Variants in NALF1 observed in about 807,000 individuals in gnomAD.
The protein encoded by NALF1 is NALCN channel auxiliary factor 1.
Under a neutral mutation model 48.4 loss-of-function variants are expected in NALF1, and 3 were observed. The ratio of observed to expected loss-of-function variants is 0.06; its 90% confidence interval spans 0.03 to 0.16. The LOEUF is 0.16. Among genes scored for constraint, NALF1 ranks in the 10% least tolerant of loss-of-function variants. The probability of loss-of-function intolerance (pLI) is 1.00; values close to 1 mark genes in which losing one functional copy is unlikely to be tolerated. For missense variants in NALF1, 526 were observed against 571.5 expected (o/e 0.92, Z 0.81); for synonymous variants, 262 against 245.7 (o/e 1.07, Z -0.62).
At position 107,274,547 on chromosome 13, in the gene NALF1, A is replaced by G. The variant is rs149233859; in HGVS notation, c.916-63792T>C. Among the ~76,000 whole-genome samples the G allele has an allele frequency of 1.3e-3, 197 of 152,300 alleles. 2 individuals carry two copies. The highest frequency in any genetic ancestry group is 6.8e-3 in the Middle Eastern group (2 of 294). ...ACTGCACTCCAGCCCAGGTGACAAGACGAGACCTTGTCTCTAAAGTAAATA... is the reference window on the plus strand; with the variant it reads ...ACTGCACTCCAGCCCAGGTGACAAGGCGAGACCTTGTCTCTAAAGTAAATA... On this transcript the variant is annotated intron_variant, in intron 1 of 2. Transcript: ENST00000375915.
At chr13:107,406,168 T>C (rs895394212) in intron 1 of NALF1, among the ~76,000 whole-genome samples, 1 of 152,048 alleles carries the variant, frequency 6.6e-6, no homozygotes, top group Non-Finnish European at 1.5e-5. Context: ...GTGAAGTCAC[T>C]TGATTATTTA....
intron 1 of NALF1, among the ~76,000 whole-genome samples, chr13:107,260,375 C>T (rs779444023): frequency 6.6e-6 from 1 of 152,068 alleles, no homozygotes; most frequent in Admixed American, 6.6e-5. Context: ...TAACACAGAC[C>T]CTGCATGTTG....
intron 1 of NALF1, among the ~76,000 whole-genome samples, chr13:107,855,031 G>A (rs1880409733): frequency 6.6e-6 from 1 of 152,190 alleles, no homozygotes; most frequent in South Asian, 2.1e-4. Flanking sequence ...AGCATCTAGA[G>A]AGCAGGCACA....
At chr13:107,793,536 T>C (rs1403455879) in intron 1 of NALF1, among the ~76,000 whole-genome samples, 1 of 152,254 alleles carries the variant, frequency 6.6e-6, no homozygotes, top group Non-Finnish European at 1.5e-5. Context: ...CACCAGTTGA[T>C]GCCAGGTACA....
chr13:107,716,040 A>G (rs1434456269), intron 1 of NALF1, among the ~76,000 whole-genome samples: 1 of 152,144 alleles, frequency 6.6e-6, no homozygotes, highest in African/African-American at 2.4e-5. Flanking sequence ...AAGGAAACTT[A>G]GGGTGTTAAA....
chr13:107,539,155 G>C (rs997239975), intron 1 of NALF1, among the ~76,000 whole-genome samples: 1 of 151,846 alleles, frequency 6.6e-6, no homozygotes, highest in Non-Finnish European at 1.5e-5. Context: ...TCTAACAATG[G>C]AATATCACAG....
intron 1 of NALF1, among the ~76,000 whole-genome samples, chr13:107,698,009 C>T (rs1468707095): frequency 6.6e-6 from 1 of 152,068 alleles, no homozygotes; most frequent in Non-Finnish European, 1.5e-5. Flanking sequence ...CATTTTTATA[C>T]CAATGGTAGC....
At chr13:107,270,080 TTC>T (rs936242401) in intron 1 of NALF1, among the ~76,000 whole-genome samples, 2 of 152,034 alleles carry the variant, frequency 1.3e-5, no homozygotes, top group Non-Finnish European at 2.9e-5. Flanking sequence ...AGAAATATGT[TTC>T]TTATAACATC....
At chr13:107,753,656 T>G (rs905929867) in intron 1 of NALF1, among the ~76,000 whole-genome samples, 1 of 152,180 alleles carries the variant, frequency 6.6e-6, no homozygotes, top group Non-Finnish European at 1.5e-5. Flanking sequence ...CAGAATACTT[T>G]CTGCATGGGA....
intron 1 of NALF1, among the ~76,000 whole-genome samples, chr13:107,286,239 T>C (rs1009883738): frequency 1.3e-5 from 2 of 152,182 alleles, no homozygotes; most frequent in African/African-American, 4.8e-5. Context: ...CACGTGACCC[T>C]GTAATTCCAC....
intron 1 of NALF1, among the ~76,000 whole-genome samples, chr13:107,389,059 C>T (rs1404971531): frequency 6.6e-6 from 1 of 152,208 alleles, no homozygotes; most frequent in South Asian, 2.1e-4. Context: ...ACCAGTCCAC[C>T]TTCCGGTGGT....
chr13:107,827,392 C>T (rs986286862), intron 1 of NALF1, among the ~76,000 whole-genome samples: 2 of 152,154 alleles, frequency 1.3e-5, no homozygotes, highest in African/African-American at 4.8e-5. Context: ...TTCATTATGT[C>T]TTTCCTTCAG....
rs114655770 is a variant in NALF1 at position 107,511,345 on chromosome 13, A to G, written c.916-300590T>C. Among the ~76,000 whole-genome samples, 306 of 152,332 alleles carry G rather than the reference A, an allele frequency of 2.0e-3. 2 individuals carry two copies. Among genetic ancestry groups the G allele is most frequent in the African/African-American group, 7.1e-3 (294 of 41,578 alleles). On this transcript the variant is annotated intron_variant, in intron 1 of 2. Coordinates refer to ENST00000375915, the MANE Select transcript of NALF1 (RefSeq NM_001080396.3). ...GATTGGGGTCACTAGAAACTCAAATATTAGATTTATAGGCATTCAGAGGAG... is the reference window on the plus strand; with the variant it reads ...GATTGGGGTCACTAGAAACTCAAATGTTAGATTTATAGGCATTCAGAGGAG...
chr13:107,271,814 A>ATATTTATTTATTTATT lies in NALF1; in HGVS notation c.916-61060_916-61059insAATAAATAAATAAATA, dbSNP rs1555329806. ...TATATATATATATATATATATATAT[A>ATATTTATTTATTTATT]TATTTATATATTTATATATACAAAT... On this transcript the variant is annotated intron_variant, in intron 1 of 2. Transcript: ENST00000375915. Among the ~76,000 whole-genome samples, 17 of 102,556 alleles carry ATATTTATTTATTTATT rather than the reference A, an allele frequency of 1.7e-4. No individual in the cohort carries two copies. The East Asian group carries it at 2.8e-3, about 17-fold the overall frequency. 67.3% of individuals were successfully genotyped at this position (102,556 alleles called of 152,430 possible).
intron 1 of NALF1, among the ~76,000 whole-genome samples, chr13:107,720,624 T>G (rs1028225346): frequency 2.7e-5 from 4 of 150,432 alleles, no homozygotes; most frequent in Non-Finnish European, 5.9e-5. Context: ...TTTGAACACC[T>G]AAACTATTGA....
chr13:107,838,564 C>T (rs751503876), intron 1 of NALF1, among the ~76,000 whole-genome samples: 27 of 152,064 alleles, frequency 1.8e-4, no homozygotes, highest in Admixed American at 1.0e-3. Flanking sequence ...AGGAGGCATG[C>T]GTGTATGAAC....
chr13:107,399,612 G>C (rs7317332), intron 1 of NALF1, among the ~76,000 whole-genome samples: 99,680 of 151,724 alleles, frequency 0.66, 32,804 homozygotes, highest in African/African-American at 0.7. Flanking sequence ...CCTACAAAAT[G>C]CTTGTTGATT....
intron 1 of NALF1, among the ~76,000 whole-genome samples, chr13:107,329,234 C>T (rs535910474): frequency 2.0e-5 from 3 of 152,094 alleles, no homozygotes; most frequent in Non-Finnish European, 2.9e-5. Context: ...TTTAGAAGAG[C>T]ACAAAGAATG....
chr13:107,804,579 G>A (rs1878718234), intron 1 of NALF1, among the ~76,000 whole-genome samples: 1 of 152,116 alleles, frequency 6.6e-6, no homozygotes, highest in Admixed American at 6.5e-5. Context: ...ACCTCACCAA[G>A]ACCCAGCATG....
Sources: gnomAD v4.1 joint callset for allele counts (sites outside exome capture counted in the v4.1 genomes callset) on GRCh38, gnomAD v4.1.1 for gene constraint, MANE v1.5 for transcripts, NCBI Gene and HGNC (gene_info 2026-07-23, HGNC 2026-07-21) for gene names.